Variants in RPH3AL observed in about 807,000 individuals in gnomAD.
RPH3AL encodes rabphilin 3A like (without C2 domains), also known as rab effector Noc2.
RPH3AL carries 38 observed loss-of-function variants against 43.1 expected under a neutral mutation model. That is an observed-to-expected ratio of 0.88 (90% CI 0.68 to 1.15). The LOEUF (loss-of-function observed/expected upper bound fraction) is 1.15, where lower values mean the gene tolerates loss of function less well. RPH3AL is among the 50% of genes most tolerant of loss of function. The pLI is 0.00. For synonymous variants in RPH3AL, 189 were observed against 176.3 expected, an observed-to-expected ratio of 1.07 and a Z score of -0.57; for missense variants, 462 against 423.2, an observed-to-expected ratio of 1.09 and a Z score of -0.81.
At chr17:269,313 T>A (rs1465929719) in intron 6 of RPH3AL, among the ~76,000 whole-genome samples, 1 of 152,206 alleles carries the variant, frequency 6.6e-6, no homozygotes, top group African/African-American at 2.4e-5. Context: ...CTACTTATTC[T>A]TTTTCCTGTT....
At chr17:258,642 A>C in intron 6 of RPH3AL, among the ~76,000 whole-genome samples, 2 of 148,942 alleles carry the variant, frequency 1.3e-5, no homozygotes, top group South Asian at 2.1e-4. Context: ...TCCCACCCCC[A>C]CTCCACTCAA....
chr17:276,240 G>A (rs1025084667), intron 6 of RPH3AL, among the ~76,000 whole-genome samples: 16 of 152,212 alleles, frequency 1.1e-4, no homozygotes, highest in Admixed American at 8.5e-4. Flanking sequence ...TAGTTCAACC[G>A]AGTTTTAAAA....
chr17:339,174 CAGGGT>C (rs1220705307), intron 1 of RPH3AL: 1 of 152,318 alleles, frequency 6.6e-6, no homozygotes, highest in Admixed American at 6.5e-5. Flanking sequence ...GTTGCAACTC[CAGGGT>C]TAGGCACTGC....
At chr17:349,901 C>T (rs1221171933) in intron 1 of RPH3AL, among the ~76,000 whole-genome samples, 1 of 152,192 alleles carries the variant, frequency 6.6e-6, no homozygotes, top group African/African-American at 2.4e-5. Flanking sequence ...GCCATCAGCA[C>T]CCTGATATTA....
chr17:240,111 C>T (rs1356764227), intron 7 of RPH3AL, among the ~76,000 whole-genome samples: 1 of 151,926 alleles, frequency 6.6e-6, no homozygotes. Flanking sequence ...GTGGTGCAAG[C>T]CTGTAATCCC....
At chr17:277,529 T>C (rs2042681376) in intron 6 of RPH3AL, among the ~76,000 whole-genome samples, 1 of 152,240 alleles carries the variant, frequency 6.6e-6, no homozygotes. Flanking sequence ...AATACTATGC[T>C]ACTGGCTTTG....
intron 6 of RPH3AL, among the ~76,000 whole-genome samples, chr17:267,827 AT>A (rs112554548): frequency 0.26 from 38,753 of 151,902 alleles, 5,476 homozygotes; most frequent in Non-Finnish European, 0.31. Context: ...CAAGCTTCTT[AT>A]TTTTTGCCTG....
Position 331,734 on chromosome 17 carries a change from C to T in RPH3AL, c.-37+2025G>A, listed in dbSNP as rs542056177. 46 of 1,288,614 alleles carry T rather than the reference C, an allele frequency of 3.6e-5. No homozygotes were observed. In the Middle Eastern group the frequency reaches 1.1e-3, roughly 30 times the overall value. 79.8% of individuals were successfully genotyped at this position (1,288,614 alleles called of 1,614,324 possible). On this transcript the variant is annotated intron_variant, in intron 2 of 9. Transcript: ENST00000331302. ...CCTTCACCAGTGGGTAAACTATGCT[C>T]GCCACCACTCAGCACTCACCTCTTG...
chr17:307,299 A>G (rs62053685), intron 5 of RPH3AL, among the ~76,000 whole-genome samples: 9 of 2,720 alleles, frequency 3.3e-3, no homozygotes, highest in South Asian at 0.02. Context: ...GGTCCATCCC[A>G]CGGCAGGTCC....
intron 7 of RPH3AL, among the ~76,000 whole-genome samples, chr17:228,563 G>T (rs1230066694): frequency 1.3e-5 from 2 of 152,160 alleles, no homozygotes; most frequent in Non-Finnish European, 2.9e-5. Context: ...GGCCAACCTC[G>T]CAGGTGGACT....
In RPH3AL at chr17:327,579, T is replaced by C; in HGVS notation, c.-36A>G. ...ACCCGGCTGGGGGTGGGGAGTCACA[T>C]CTGAGATGAAGGAGGGAAGACGAAA... On this transcript the variant is annotated splice_region_variant and 5_prime_UTR_variant, in exon 3 of 10. An upstream start codon of the reference 5' UTR is lost. Transcript: ENST00000331302. 1.2e-6 allele frequency: 2 copies of C among 1,600,108 alleles called. No individual in the cohort carries two copies. Among genetic ancestry groups the C allele is most frequent in the South Asian group, 1.1e-5 (1 of 90,822 alleles).
chr17:328,860 CTAAG>C lies in RPH3AL; in HGVS notation c.-36-1285_-36-1282del, dbSNP rs372606666. 2.0e-4 allele frequency among the ~76,000 whole-genome samples: 31 copies of C among 152,172 alleles called. No homozygotes were observed. The highest frequency in any genetic ancestry group is 6.0e-4 in the African/African-American group (25 of 41,516). On this transcript the variant is annotated intron_variant, in intron 2 of 9. Transcript: ENST00000331302. The surrounding 1 kb of genome is among the most constrained non-coding windows in gnomAD (Gnocchi z 4.2). ...AACATGGATGAATCTTTAAAACATC[CTAAG>C]TAAGAAAAGCCAGTCATAAAAGACC...
chr17:300,151 G>A lies in RPH3AL; in HGVS notation c.352-18297C>T, dbSNP rs9890364. On this transcript the variant is annotated intron_variant, in intron 5 of 9. Coordinates refer to ENST00000331302, the MANE Select transcript of RPH3AL (RefSeq NM_006987.4). Reference sequence around the variant, plus strand: ...TCTAGCAGGGGCTGGCCCAGCCTAGGCCTGCAGAATCTCTCACCCACTCTA... The same window carrying A: ...TCTAGCAGGGGCTGGCCCAGCCTAGACCTGCAGAATCTCTCACCCACTCTA... Among the ~76,000 whole-genome samples, 154 of 38,334 alleles carry A rather than the reference G, an allele frequency of 4.0e-3. 3 individuals carry two copies. The highest frequency in any genetic ancestry group is 0.012 in the East Asian group (11 of 904). 25.1% of individuals were successfully genotyped at this position (38,334 alleles called of 152,430 possible). A position where few individuals can be genotyped will look rare whatever the true frequency, so the allele number is the denominator to read the frequency against.
At chr17:349,778 G>C (rs148973010) in intron 1 of RPH3AL, among the ~76,000 whole-genome samples, 1 of 151,994 alleles carries the variant, frequency 6.6e-6, no homozygotes, top group Admixed American at 6.6e-5. Context: ...CAGTAAAATC[G>C]AGTCCAGGAT....
chr17:305,758 ACTCAGTCATCCCTCAC>A (rs915284560), intron 5 of RPH3AL, among the ~76,000 whole-genome samples: 2 of 147,050 alleles, frequency 1.4e-5, no homozygotes, highest in African/African-American at 5.4e-5. Flanking sequence ...TACTCACATC[ACTCAGTCATCCCTCAC>A]ATCACTCACA....
intron 6 of RPH3AL, among the ~76,000 whole-genome samples, chr17:252,387 C>A (rs1481886703): frequency 6.6e-5 from 10 of 152,172 alleles, no homozygotes; most frequent in African/African-American, 2.4e-4. Flanking sequence ...AGACGCCCTG[C>A]TGACCATGGC....
At chr17:243,503 T>G (rs1280392994) in intron 7 of RPH3AL, among the ~76,000 whole-genome samples, 1 of 148,128 alleles carries the variant, frequency 6.8e-6, no homozygotes, top group African/African-American at 2.5e-5. Flanking sequence ...CTTCCTCTAT[T>G]GATTACCTTC....
intron 6 of RPH3AL, among the ~76,000 whole-genome samples, chr17:269,566 T>C (rs1306811461): frequency 1.3e-5 from 2 of 152,210 alleles, no homozygotes; most frequent in Non-Finnish European, 2.9e-5. Flanking sequence ...TCCGGCTTCA[T>C]CCCTGGCACC....
Position 327,565 on chromosome 17 carries a change from G to A in RPH3AL, c.-22C>T, listed in dbSNP as rs748281902. On this transcript the variant is annotated 5_prime_UTR_variant, in exon 3 of 10. Transcript: ENST00000331302. Reference sequence around the variant, plus strand: ...CCATGGCTCGGAGCACCCGGCTGGGGGTGGGGAGTCACATCTGAGATGAAG... The same window carrying A: ...CCATGGCTCGGAGCACCCGGCTGGGAGTGGGGAGTCACATCTGAGATGAAG... 1.9e-6 allele frequency: 3 copies of A among 1,611,908 alleles called. No homozygotes were observed. The highest frequency in any genetic ancestry group is 2.2e-5 in the South Asian group (2 of 91,038).
Sources: gnomAD v4.1 joint callset for allele counts (sites outside exome capture counted in the v4.1 genomes callset) on GRCh38, gnomAD v4.1.1 for gene constraint, Gnocchi (gnomAD v3.1) non-coding constraint, MANE v1.5 for transcripts, NCBI Gene and HGNC (gene_info 2026-07-23, HGNC 2026-07-21) for gene names.